Variants in POF1B observed in about 807,000 individuals in gnomAD.
POF1B encodes POF1B actin binding protein.
Under a neutral mutation model 55.3 loss-of-function variants are expected in POF1B, and 53 were observed. The ratio of observed to expected loss-of-function variants is 0.96; its 90% CI spans 0.77 to 1.20. The LOEUF (loss-of-function observed/expected upper bound fraction) is 1.20. POF1B is among the 50% of genes most tolerant of loss of function. The pLI is 0.00. For missense variants in POF1B, 478 were observed against 420.5 expected (o/e 1.14, Z -1.20); for synonymous variants, 188 against 148.3 (o/e 1.27, Z -1.95).
At chrX:85,349,569 G>A (rs1229309992) in intron 5 of POF1B, among the ~76,000 whole-genome samples, 1 of 110,518 alleles carries the variant, frequency 9.0e-6, no homozygotes, top group African/African-American at 3.3e-5. Context: ...ATGCAAAATT[G>A]GACACAGAAA....
At chrX:85,293,787 A>G (rs781631211) in intron 15 of POF1B, among the ~76,000 whole-genome samples, 2 of 111,510 alleles carry the variant, frequency 1.8e-5, no homozygotes, top group East Asian at 5.7e-4. Context: ...AGCCTGGCCA[A>G]CATGGTGAAA....
At chrX:85,299,568 G>A (rs1372783236) in intron 15 of POF1B, among the ~76,000 whole-genome samples, 1 of 104,794 alleles carries the variant, frequency 9.5e-6, no homozygotes, top group Admixed American at 1.0e-4. Flanking sequence ...GATTACAGGC[G>A]TGAGCCACCG....
intron 4 of POF1B, among the ~76,000 whole-genome samples, chrX:85,353,026 T>G (rs895461300): frequency 9.0e-6 from 1 of 111,150 alleles, no homozygotes; most frequent in Non-Finnish European, 1.9e-5. Flanking sequence ...CATAAACATA[T>G]ATGCAAAGTA....
At chrX:85,346,727 A>G (rs1933280344) in intron 5 of POF1B, among the ~76,000 whole-genome samples, 1 of 110,583 alleles carries the variant, frequency 9.0e-6, no homozygotes, top group Admixed American at 9.7e-5. Context: ...TAAATAAGCT[A>G]ATGTCTATAA....
In POF1B at chrX:85,358,866, T is replaced by C. The variant is rs575439526; in HGVS notation, c.438+684A>G. Among the ~76,000 whole-genome samples the C allele has an allele frequency of 4.5e-5, 5 of 111,010 alleles. No individual in the cohort carries two copies. In the South Asian group the frequency reaches 1.9e-3, roughly 42 times the overall value. On this transcript the variant is annotated intron_variant, in intron 4 of 16. Coordinates refer to ENST00000262753, the MANE Select transcript of POF1B (RefSeq NM_024921.4). ...ACTTAGATAAATTAAATGGGGAGTA[T>C]AGCTAAACAGGATTTTCAAGCTGCT... is the stretch of plus-strand genomic sequence containing the variant.
chrX:85,347,064 G>A (rs1046330608), intron 5 of POF1B, among the ~76,000 whole-genome samples: 1 of 110,643 alleles, frequency 9.0e-6, no homozygotes, highest in Non-Finnish European at 1.9e-5. Context: ...CTTTTTTCTG[G>A]TAAGTATAGA....
At chrX:85,288,797 A>G (rs1212777154) in intron 15 of POF1B, among the ~76,000 whole-genome samples, 1 of 111,482 alleles carries the variant, frequency 9.0e-6, no homozygotes, top group Non-Finnish European at 1.9e-5. Flanking sequence ...ACCTCCCGCC[A>G]TAATTCTGAG....
In POF1B at chrX:85,317,568, G is replaced by A. The variant is rs185568113; in HGVS notation, c.855-1834C>T. On this transcript the variant is annotated intron_variant, in intron 7 of 16. Transcript: ENST00000262753. Reference sequence around the variant, plus strand: ...TCATATGCTTGTCAGCCACATCTATGTCTTCTTTTGAAAAGTGTCTGTTCA... The same window carrying A: ...TCATATGCTTGTCAGCCACATCTATATCTTCTTTTGAAAAGTGTCTGTTCA... 3.6e-5 allele frequency among the ~76,000 whole-genome samples: 4 copies of A among 110,532 alleles called. No homozygotes were observed. The East Asian group carries it at 8.8e-4, about 24-fold the overall frequency.
At chrX:85,309,587 C>T (rs1010159475) in intron 9 of POF1B, among the ~76,000 whole-genome samples, 4 of 111,007 alleles carry the variant, frequency 3.6e-5, no homozygotes, top group Non-Finnish European at 7.5e-5. Context: ...AGCTGGTGAT[C>T]TAGTTACATC....
At chrX:85,352,745 C>T (rs187745086) in intron 4 of POF1B, among the ~76,000 whole-genome samples, 255 of 111,365 alleles carry the variant, frequency 2.3e-3, no homozygotes, top group African/African-American at 7.9e-3. Context: ...TTGCTATGCA[C>T]AGTGTACTTT....
chrX:85,291,792 A>C (rs1474168716), intron 15 of POF1B, among the ~76,000 whole-genome samples: 1 of 111,148 alleles, frequency 9.0e-6, no homozygotes, highest in Non-Finnish European at 1.9e-5. Flanking sequence ...ACTTTGCTGA[A>C]GTTGTTTATC....
chrX:85,359,494 T>A, intron 4 of POF1B, 56 bp downstream of exon 4: 1 of 904,651 alleles, frequency 1.1e-6, no homozygotes, highest in African/African-American at 2.0e-5. Flanking sequence ...TTAAGCCTTT[T>A]TGTTTAAGCA....
At chrX:85,369,300 C>G (rs1933781217) in intron 2 of POF1B, among the ~76,000 whole-genome samples, 1 of 111,112 alleles carries the variant, frequency 9.0e-6, no homozygotes, top group Non-Finnish European at 1.9e-5. Context: ...CATGTGCAGG[C>G]AGGTTTGGCC....
intron 13 of POF1B, among the ~76,000 whole-genome samples, chrX:85,304,705 G>A (rs891366410): frequency 7.2e-5 from 8 of 110,433 alleles, no homozygotes; most frequent in African/African-American, 2.0e-4. Context: ...CATTATCTAC[G>A]TAACAGTCTT....
At chrX:85,330,602 T>A (rs1416432131) in intron 7 of POF1B, among the ~76,000 whole-genome samples, 4 of 111,496 alleles carry the variant, frequency 3.6e-5, no homozygotes, top group Non-Finnish European at 7.5e-5. Context: ...TTTTTTGTTT[T>A]TTGTCTGATG....
intron 5 of POF1B, among the ~76,000 whole-genome samples, chrX:85,346,997 T>C (rs1933286409): frequency 9.0e-6 from 1 of 111,354 alleles, no homozygotes; most frequent in African/African-American, 3.3e-5. Flanking sequence ...GACTTCAAGA[T>C]ATTCTGGAAT....
At chrX:85,339,859 G>A (rs191164644) in intron 6 of POF1B, among the ~76,000 whole-genome samples, 3 of 111,436 alleles carry the variant, frequency 2.7e-5, no homozygotes, top group East Asian at 2.9e-4. Flanking sequence ...CAGTAAAGTG[G>A]AGCATTGAAG....
intron 3 of POF1B, among the ~76,000 whole-genome samples, chrX:85,366,751 A>G (rs1474533540): frequency 9.0e-6 from 1 of 110,934 alleles, no homozygotes; most frequent in Admixed American, 9.6e-5. Flanking sequence ...GAAAATAGTG[A>G]TTGTGTCTAA....
intron 4 of POF1B, among the ~76,000 whole-genome samples, chrX:85,356,309 T>C (rs1166527236): frequency 3.1e-5 from 2 of 63,623 alleles, no homozygotes; most frequent in African/African-American, 1.3e-4. Context: ...GGGCCTGTTG[T>C]GGGGTGGAGG....
Sources: allele counts gnomAD v4.1 joint callset (sites outside exome capture counted in the v4.1 genomes callset), GRCh38; gene constraint gnomAD v4.1.1; transcripts MANE v1.5; gene names NCBI Gene and HGNC (gene_info 2026-07-23, HGNC 2026-07-21).